The following FARP2 variants were observed in gnomAD, a reference collection of about 807,000 sequenced individuals.
FARP2 encodes the protein FERM, ARH/RhoGEF and pleckstrin domain protein 2, also known as FERM, ARHGEF and pleckstrin domain-containing protein 2.
In FARP2, 111 loss-of-function variants were observed where a neutral mutation model predicts 130.5. The observed-to-expected ratio is 0.85, with a 90% CI of 0.73 to 1.00. The LOEUF is 1.00. FARP2 is among the 50% of genes least tolerant of loss of function. The pLI, the probability that FARP2 is intolerant of heterozygous loss-of-function variation, is 0.00. For synonymous variants in FARP2, 504 were observed against 516.9 expected, an observed-to-expected ratio of 0.98 and a Z score of 0.34; for missense variants, 1,385 against 1,346.3, an observed-to-expected ratio of 1.03 and a Z score of -0.45.
At chr2:241,483,786 T>C in intron 20 of FARP2, 1 of 985,336 alleles carries the variant, frequency 1.0e-6, no homozygotes, top group Non-Finnish European at 1.2e-6. Flanking sequence ...AGCACCTGAC[T>C]ATGGGACAAA....
rs1442749584 is a variant in FARP2 at position 241,475,948 on chromosome 2, G to A, written c.2223G>A (p.Arg741=). The change falls in exon 19 of 27, where the codon CGG becomes CGA. Residue 741 remains arginine, a synonymous_variant. Transcript: ENST00000264042. The surrounding 1 kb of genome is among the most constrained non-coding windows in gnomAD (Gnocchi z 4.4). ...TGCAGAAGCTAACGGAGCTGCAGCGGGACCTGGTGGGCATAGAGAACCTCA... is the reference window on the plus strand; with the variant it reads ...TGCAGAAGCTAACGGAGCTGCAGCGAGACCTGGTGGGCATAGAGAACCTCA... ...ENLQKLTELQ[R]DLVGIENLIA... The A allele has an allele frequency of 4.3e-6, 7 of 1,613,978 alleles. 1 individual carries two copies. The Admixed American group carries it at 6.7e-5, about 15-fold the overall frequency.
chr2:241,484,280 A>G lies in FARP2; in HGVS notation c.2370A>G (p.Ala790=), dbSNP rs772494545. The change falls in exon 21 of 27, where the codon GCA becomes GCG. Residue 790 remains alanine, a synonymous_variant. Transcript: ENST00000264042. ...TGCTGTACACAAGCAAAGGAGTTGCAGGGACCAGCCACTTCCGGATCCGGG... is the reference window on the plus strand; with the variant it reads ...TGCTGTACACAAGCAAAGGAGTTGCGGGGACCAGCCACTTCCGGATCCGGG... ...DMLLYTSKGV[A]GTSHFRIRGL... 2.5e-6 allele frequency: 4 copies of G among 1,614,142 alleles called. No individual in the cohort carries two copies. Among genetic ancestry groups the G allele is most frequent in the Non-Finnish European group, 1.7e-6 (2 of 1,179,990 alleles).
chr2:241,463,133 CTT>C (rs2064069948), intron 15 of FARP2, among the ~76,000 whole-genome samples, 200 bp from the exon 16 acceptor site: 1 of 152,156 alleles, frequency 6.6e-6, no homozygotes, highest in Admixed American at 6.5e-5. Context: ...CCATTTGAAA[CTT>C]TTGATGTAGG....
intron 2 of FARP2, among the ~76,000 whole-genome samples, chr2:241,393,385 A>G (rs1219611726): frequency 6.6e-6 from 1 of 152,138 alleles, no homozygotes; most frequent in Non-Finnish European, 1.5e-5. Context: ...AATATGTGAG[A>G]ACCCAAGATT....
intron 3 of FARP2, 56 bp downstream of exon 3, chr2:241,403,988 C>CAGG: frequency 2.2e-6 from 2 of 896,030 alleles, no homozygotes; most frequent in Non-Finnish European, 3.7e-6. Flanking sequence ...GTGATGACAG[C>CAGG]CGCAAGATCT....
At chr2:241,386,326 T>C (rs1259465731) in intron 2 of FARP2, among the ~76,000 whole-genome samples, 3 of 152,176 alleles carry the variant, frequency 2.0e-5, no homozygotes, top group Non-Finnish European at 2.9e-5. Flanking sequence ...CAAGTGAACC[T>C]GGCCCCAAGT....
intron 2 of FARP2, among the ~76,000 whole-genome samples, chr2:241,378,084 A>G (rs1045755052): frequency 2.0e-5 from 3 of 151,766 alleles, no homozygotes; most frequent in Non-Finnish European, 2.9e-5. Flanking sequence ...GTGGTTTGAG[A>G]TGATATTTTT....
At chr2:241,461,258 G>A (rs2064008980) in intron 14 of FARP2, among the ~76,000 whole-genome samples, 1 of 152,124 alleles carries the variant, frequency 6.6e-6, no homozygotes, top group Non-Finnish European at 1.5e-5. Context: ...AATGTGTCCA[G>A]GATCTCACCC....
chr2:241,370,466 C>T (rs1030356464), intron 1 of FARP2, among the ~76,000 whole-genome samples: 2 of 152,006 alleles, frequency 1.3e-5, no homozygotes, highest in African/African-American at 2.4e-5. Flanking sequence ...TGTTAATTGC[C>T]TCAATTTGGC....
chr2:241,451,481 T>A (rs1451010832), intron 13 of FARP2, among the ~76,000 whole-genome samples: 10 of 152,172 alleles, frequency 6.6e-5, no homozygotes, highest in African/African-American at 2.2e-4. Flanking sequence ...GGTAAAGAAA[T>A]CAGTCCTTGA....
rs148661762 is a variant in FARP2 at position 241,366,494 on chromosome 2, G to T, written c.-24-6590G>T. Among the ~76,000 whole-genome samples, 179 of 152,102 alleles carry T rather than the reference G, an allele frequency of 1.2e-3. 3 individuals are homozygous for T. Among genetic ancestry groups the T allele is most frequent in the African/African-American group, 4.2e-3 (174 of 41,440 alleles). ...AAAATAACCTGGGGAGTAAAAGTAA[G>T]ATTTTCAAATATTAGTTATGTAGAA... is the stretch of plus-strand genomic sequence containing the variant. On this transcript the variant is annotated intron_variant, in intron 1 of 26. Coordinates refer to ENST00000264042, the MANE Select transcript of FARP2 (RefSeq NM_014808.4).
At chr2:241,466,694 C>T (rs2064181561) in intron 17 of FARP2, 6 of 689,382 alleles carry the variant, frequency 8.7e-6, no homozygotes, top group Non-Finnish European at 1.1e-5. Context: ...CAACCACCCC[C>T]CCCCCCACCA....
At chr2:241,478,610 C>T (rs2064534846) in intron 19 of FARP2, 11 of 509,372 alleles carry the variant, frequency 2.2e-5, no homozygotes, top group South Asian at 5.9e-5. Flanking sequence ...CTACCTGAGA[C>T]GTGGCAAGCT....
At chr2:241,484,468 C>A in intron 21 of FARP2, 137 bp downstream of exon 21, 1 of 674,918 alleles carries the variant, frequency 1.5e-6, no homozygotes. Flanking sequence ...GCACTGGGAG[C>A]AGCACCTGCT....
intron 13 of FARP2, among the ~76,000 whole-genome samples, chr2:241,448,933 C>T (rs1330258521): frequency 1.3e-5 from 2 of 152,102 alleles, no homozygotes; most frequent in Admixed American, 6.5e-5. Flanking sequence ...GCAGTGATGC[C>T]GGGTAGGGAG....
At chr2:241,480,045 GA>G (rs1189026527) in intron 19 of FARP2, among the ~76,000 whole-genome samples, 2 of 152,226 alleles carry the variant, frequency 1.3e-5, no homozygotes, top group African/African-American at 4.8e-5. Context: ...CACATGCTTT[GA>G]AAACAGACCT....
chr2:241,433,714 T>C lies in FARP2; in HGVS notation c.868-444T>C, dbSNP rs571874608. Reference sequence around the variant, plus strand: ...TTAAGCAGATGGAACCAGAAGACTTTGTATACAACTTTTAGAAAAACCCTT... The same window carrying C: ...TTAAGCAGATGGAACCAGAAGACTTCGTATACAACTTTTAGAAAAACCCTT... On this transcript the variant is annotated intron_variant, in intron 9 of 26. Transcript: ENST00000264042. Among the ~76,000 whole-genome samples, 13 of 152,270 alleles carry C rather than the reference T, an allele frequency of 8.5e-5. No homozygotes were observed. The East Asian group carries it at 1.4e-3, about 16-fold the overall frequency.
At chr2:241,410,767 G>A (rs913123974) in intron 5 of FARP2, among the ~76,000 whole-genome samples, 2 of 152,136 alleles carry the variant, frequency 1.3e-5, no homozygotes, top group Non-Finnish European at 2.9e-5. Context: ...GAGTGCCTTA[G>A]TGTGTTCAGC....
chr2:241,362,262 A>G (rs1390906747), intron 1 of FARP2, among the ~76,000 whole-genome samples: 1 of 152,110 alleles, frequency 6.6e-6, no homozygotes, highest in Non-Finnish European at 1.5e-5. Context: ...ATGTTGGAAA[A>G]CAAGTATCAG....
Sources: allele counts gnomAD v4.1 joint callset (sites outside exome capture counted in the v4.1 genomes callset), GRCh38; gene constraint gnomAD v4.1.1; non-coding constraint Gnocchi (gnomAD v3.1); transcripts MANE v1.5; gene names NCBI Gene and HGNC (gene_info 2026-07-23, HGNC 2026-07-21).